The following LONP2 variants were observed in gnomAD, a reference collection of about 807,000 sequenced individuals.
LONP2 encodes the protein lon peptidase 2, peroxisomal, also known as lon protease homolog 2, peroxisomal.
LONP2 carries 60 observed loss-of-function variants against 85.6 expected under a neutral mutation model. The observed-to-expected ratio is 0.70, with a 90% CI of 0.57 to 0.87. The LOEUF (loss-of-function observed/expected upper bound fraction) is 0.87, where lower values mean the gene tolerates loss of function less well. Ranked by LOEUF, LONP2 falls within the 40% of genes least tolerant of loss-of-function variation. The pLI is 0.00. For synonymous variants in LONP2, 395 were observed against 389.7 expected (o/e 1.01, Z -0.16); for missense variants, 860 against 1,063.5 (o/e 0.81, Z 2.66).
chr16:48,266,185 A>G (rs1971985480), intron 6 of LONP2, among the ~76,000 whole-genome samples: 1 of 152,024 alleles, frequency 6.6e-6, no homozygotes, highest in Non-Finnish European at 1.5e-5. Context: ...TTGTATTTTT[A>G]GCAGAGACGG....
At chr16:48,317,991 A>G (rs1973180757) in intron 11 of LONP2, among the ~76,000 whole-genome samples, 1 of 152,190 alleles carries the variant, frequency 6.6e-6, no homozygotes, top group African/African-American at 2.4e-5. Context: ...AGTGGAAGGA[A>G]GTAGGTATTA....
Position 48,261,484 on chromosome 16 carries a change from G to A in LONP2, c.784G>A (p.Asp262Asn). ...THISGTLEDEDEDEDNDDIVM... is the reference protein window; with the variant it reads ...THISGTLEDENEDEDNDDIVM... The stretch of plus-strand genomic sequence containing the variant: ...TATCTCAGGTACTTTAGAAGATGAA[G>A]ATGAAGATGAAGATAATGATGACAT... The change falls in exon 5 of 15, where the codon GAT becomes AAT. Residue 262 changes from aspartate to asparagine, a missense_variant. Physicochemically the swap from Asp to Asn is conservative, Grantham distance 23. This residue lies in a region of LONP2 where 743 missense variants were observed against 917.3 expected (regional missense o/e 0.81). Coordinates refer to ENST00000285737, the MANE Select transcript of LONP2 (RefSeq NM_031490.5). 6.2e-7 allele frequency: 1 copy of A among 1,607,782 alleles called. No individual in the cohort carries two copies. Among genetic ancestry groups the A allele is most frequent in the Non-Finnish European group, 8.5e-7 (1 of 1,176,530 alleles).
chr16:48,351,467 G>T (rs1054393003), intron 14 of LONP2, 114 bp from the exon 15 acceptor site: 18 of 776,152 alleles, frequency 2.3e-5, no homozygotes, highest in Non-Finnish European at 3.5e-5. Context: ...AACGGAAGAT[G>T]ATTTGGATGT....
At chr16:48,346,240 A>C (rs1959960267) in intron 12 of LONP2, among the ~76,000 whole-genome samples, 3 of 152,162 alleles carry the variant, frequency 2.0e-5, no homozygotes, top group African/African-American at 7.2e-5. Context: ...TCAGTAGAAA[A>C]ATCTCCTGTT....
chr16:48,361,471 G>A (rs1960589901), downstream of LONP2: 1 of 1,049,854 alleles, frequency 9.5e-7, no homozygotes, highest in Non-Finnish European at 1.4e-6. Flanking sequence ...ACCTTCATGT[G>A]TCTAGCTTCC....
chr16:48,326,531 A>G (rs1053574876), intron 11 of LONP2, among the ~76,000 whole-genome samples: 16 of 152,294 alleles, frequency 1.1e-4, no homozygotes, highest in Middle Eastern at 3.4e-3. Context: ...TCTGTCTTGA[A>G]TAAAGATGAT....
At chr16:48,314,805 T>C (rs1973107947) in intron 11 of LONP2, among the ~76,000 whole-genome samples, 1 of 152,242 alleles carries the variant, frequency 6.6e-6, no homozygotes, top group Non-Finnish European at 1.5e-5. Flanking sequence ...TTTTGTTTTC[T>C]AATTTTTTGT....
intron 8 of LONP2, among the ~76,000 whole-genome samples, chr16:48,295,348 G>A (rs528558391): frequency 2.0e-4 from 31 of 152,180 alleles, no homozygotes; most frequent in Non-Finnish European, 3.1e-4. Flanking sequence ...CTCCAACCTG[G>A]GCAACAGAGT....
chr16:48,341,814 A>C (rs961044020), intron 12 of LONP2, among the ~76,000 whole-genome samples: 2 of 152,334 alleles, frequency 1.3e-5, no homozygotes, highest in African/African-American at 4.8e-5. Flanking sequence ...GAGTGGGTGC[A>C]GGTGTCCCCA....
chr16:48,305,802 C>T (rs1362378231), intron 11 of LONP2, among the ~76,000 whole-genome samples: 1 of 152,208 alleles, frequency 6.6e-6, no homozygotes, highest in Non-Finnish European at 1.5e-5. Context: ...ATTTTGTCAG[C>T]ATCTCTTGTC....
intron 8 of LONP2, among the ~76,000 whole-genome samples, chr16:48,286,818 C>A (rs145570230): frequency 6.7e-6 from 1 of 150,088 alleles, no homozygotes; most frequent in African/African-American, 2.5e-5. Context: ...TTTTTTTTTA[C>A]TCTTTAGGGC....
Position 48,334,199 on chromosome 16 carries a change from A to ATTTTTTT in LONP2, c.1796-14_1796-8dup. 1 of 1,596,364 alleles carries ATTTTTTT rather than the reference A, an allele frequency of 6.3e-7. No homozygotes were observed. The highest frequency in any genetic ancestry group is 1.7e-5 in the Admixed American group (1 of 58,844). On this transcript the variant is annotated splice_polypyrimidine_tract_variant and intron_variant, in intron 11 of 14. Coordinates refer to ENST00000285737, the MANE Select transcript of LONP2 (RefSeq NM_031490.5). ...CAAATCTCTTAGAACTTCTAAATACATTTTTTTTTCTTTTAGGTTGCAGAG... is the reference window on the plus strand; with the variant it reads ...CAAATCTCTTAGAACTTCTAAATACATTTTTTTTTTTTTTTTCTTTTAGGTTGCAGAG...
At chr16:48,286,804 C>CT (rs112306337) in intron 8 of LONP2, among the ~76,000 whole-genome samples, 204 of 142,970 alleles carry the variant, frequency 1.4e-3, no homozygotes, top group Non-Finnish European at 1.8e-3. Context: ...GCTGACTTCT[C>CT]TTTTTTTTTT....
intron 11 of LONP2, among the ~76,000 whole-genome samples, chr16:48,327,453 T>TTTTTG (rs1244426634): frequency 6.6e-6 from 1 of 152,136 alleles, no homozygotes; most frequent in South Asian, 2.1e-4. Flanking sequence ...TTACTTAGTT[T>TTTTTG]TTTTGTTTTG....
At chr16:48,246,711 A>C (rs1180701046) in intron 1 of LONP2, among the ~76,000 whole-genome samples, 1 of 152,008 alleles carries the variant, frequency 6.6e-6, no homozygotes, top group African/African-American at 2.4e-5. Context: ...AGTGGCTGGG[A>C]CTATAGGCGT....
chr16:48,314,846 C>T (rs1206290061), intron 11 of LONP2, among the ~76,000 whole-genome samples: 1 of 152,104 alleles, frequency 6.6e-6, no homozygotes, highest in East Asian at 1.9e-4. Flanking sequence ...ATATTGGCCT[C>T]CTGTTCAACA....
rs559160031 is a variant in LONP2 at position 48,362,605 on chromosome 16, G to T, written c.*742G>T. Reference sequence around the variant, plus strand: ...AAAAAAATAAAATTACACTGAATGTGCACTTTATTAGGATCTGTACACTGG... The same window carrying T: ...AAAAAAATAAAATTACACTGAATGTTCACTTTATTAGGATCTGTACACTGG... On this transcript the variant is annotated 3_prime_UTR_variant, in exon 5 of 5. Coordinates refer to the LONP2 transcript ENST00000565867. This position sits in a 1 kb window ranked among gnomAD's most constrained non-coding sequence, Gnocchi z 4.2. The T allele has an allele frequency of 2.5e-4, 164 of 647,888 alleles. 1 individual carries two copies. The South Asian group carries it at 2.8e-3, about 11-fold the overall frequency. 40.1% of individuals were successfully genotyped at this position (647,888 alleles called of 1,614,324 possible). A position where few individuals can be genotyped will look rare whatever the true frequency, so the allele number is the denominator to read the frequency against.
At chr16:48,261,340 C>A (rs1424788720) in intron 4 of LONP2, 84 bp from the exon 5 acceptor site, 1 of 924,210 alleles carries the variant, frequency 1.1e-6, no homozygotes, top group East Asian at 2.6e-5. Flanking sequence ...TTATTCAGCA[C>A]CAGTCATAAT....
chr16:48,260,422 C>A (rs1971850501), intron 4 of LONP2, among the ~76,000 whole-genome samples: 1 of 152,052 alleles, frequency 6.6e-6, no homozygotes, highest in African/African-American at 2.4e-5. Flanking sequence ...CATAGTGAGA[C>A]CTCATCTTTA....
Sources: gnomAD v4.1 joint callset for allele counts (sites outside exome capture counted in the v4.1 genomes callset) on GRCh38, gnomAD v4.1.1 for gene constraint, gnomAD v4.1.1 regional missense constraint, Gnocchi (gnomAD v3.1) non-coding constraint, MANE v1.5 for transcripts, NCBI Gene and HGNC (gene_info 2026-07-23, HGNC 2026-07-21) for gene names.